The following AADAT variants were observed in gnomAD, a reference collection of about 807,000 sequenced individuals.
The protein encoded by AADAT is kynurenine/alpha-aminoadipate aminotransferase, mitochondrial.
In AADAT, 25 loss-of-function variants were observed where a neutral mutation model predicts 56.2. The observed-to-expected ratio is 0.44, with a 90% CI of 0.32 to 0.62. The LOEUF (loss-of-function observed/expected upper bound fraction) is 0.62, where lower values mean the gene tolerates loss of function less well. AADAT is among the 20% of genes least tolerant of loss of function. The pLI, the probability that AADAT is intolerant of heterozygous loss-of-function variation, is 0.04. For missense variants in AADAT, 387 were observed against 510.5 expected, an observed-to-expected ratio of 0.76 and a Z score of 2.33; for synonymous variants, 173 against 164.7, an observed-to-expected ratio of 1.05 and a Z score of -0.39.
rs1732146889 is a variant in AADAT, at chr4:170,078,536, T to C, written c.417A>G (p.Glu139=). The C allele has an allele frequency of 1.9e-6, 3 of 1,608,488 alleles. No homozygotes were observed. Among genetic ancestry groups the C allele is most frequent in the Non-Finnish European group, 1.7e-6 (2 of 1,177,060 alleles). The stretch of plus-strand genomic sequence containing the variant: ...TTTGAAGAGTTCCTGAATAAGCAGG[T>C]TCATCTAGGAGGACATTATCTCCAG... ...INPGDNVLLD[E]PAYSGTLQSL... Residue 139 remains glutamate (E), a synonymous_variant, in exon 4 of 13, where the codon GAA becomes GAG. Transcript: ENST00000337664.
At chr4:170,061,810 A>T in intron 12 of AADAT, 82 bp downstream of exon 12, 1 of 952,052 alleles carries the variant, frequency 1.1e-6, no homozygotes, top group Admixed American at 2.6e-5. Flanking sequence ...ATTAAGTAAT[A>T]TTCTAATTCA....
At position 170,073,135 on chromosome 4, in the gene AADAT, C is replaced by T; in HGVS notation, c.654+1G>A. On this transcript the variant is annotated splice_donor_variant, in intron 5 of 12. Transcript: ENST00000337664. LOFTEE classifies it high-confidence loss of function. Reference sequence around the variant, plus strand: ...TACTTTAACCCATTCTTCTACAATACCTCATAGATTTCCTTTTTGCGTTCA... The same window carrying T: ...TACTTTAACCCATTCTTCTACAATATCTCATAGATTTCCTTTTTGCGTTCA... The T allele has an allele frequency of 6.2e-7, 1 of 1,613,790 alleles. No individual in the cohort carries two copies. Among genetic ancestry groups the T allele is most frequent in the Non-Finnish European group, 8.5e-7 (1 of 1,179,806 alleles).
At chr4:170,064,589 T>C in intron 11 of AADAT, 130 bp downstream of exon 11, 1 of 679,348 alleles carries the variant, frequency 1.5e-6, no homozygotes, top group Non-Finnish European at 2.5e-6. Flanking sequence ...ATAAAATATC[T>C]AATATTAGAA....
chr4:170,062,868 A>T (rs899367627), intron 11 of AADAT, among the ~76,000 whole-genome samples: 3 of 152,152 alleles, frequency 2.0e-5, no homozygotes, highest in Non-Finnish European at 2.9e-5. Context: ...GATGTAAGAA[A>T]CCCGGGTCTC....
intron 3 of AADAT, among the ~76,000 whole-genome samples, chr4:170,081,427 G>A (rs565312652): frequency 6.6e-6 from 1 of 152,112 alleles, no homozygotes; most frequent in Admixed American, 6.5e-5. Context: ...AAACGTGAGA[G>A]AGATAAATAT....
Position 170,078,219 on chromosome 4 carries a change from T to C in AADAT, c.444+290A>G, listed in dbSNP as rs2111188621. Among the ~76,000 whole-genome samples the C allele has an allele frequency of 4.6e-5, 7 of 152,270 alleles. No individual in the cohort carries two copies. In the South Asian group the frequency reaches 1.5e-3, roughly 32 times the overall value. On this transcript the variant is annotated intron_variant, in intron 4 of 12. Coordinates refer to ENST00000337664, the MANE Select transcript of AADAT (RefSeq NM_016228.4). ...AATTTAAGTTACATTTCAAGTAAAA[T>C]ATTAAGAGAATTGGACATGATTTTG...
Position 170,064,766 on chromosome 4 carries a change from T to G in AADAT, c.1087A>C (p.Ile363Leu). 1 of 1,612,198 alleles carries G rather than the reference T, an allele frequency of 6.2e-7. No homozygotes were observed. Among genetic ancestry groups the G allele is most frequent in the Non-Finnish European group, 8.5e-7 (1 of 1,179,634 alleles). ...GMFLWIKVKG[I>L]NDVKELIEEK... is the part of the protein sequence containing the mutation. Reference sequence around the variant, plus strand: ...TCAATCAGTTCTTTTACATCATTAATGCCTTTAACTTTAATCCATAAAAAC... The same window carrying G: ...TCAATCAGTTCTTTTACATCATTAAGGCCTTTAACTTTAATCCATAAAAAC... Residue 363 changes from isoleucine to leucine, a missense_variant, in exon 11 of 13, where the codon ATT (isoleucine) becomes CTT (leucine). By Grantham distance (5) the Ile-to-Leu change is conservative. Transcript: ENST00000337664.
At chr4:170,067,623 T>C (rs992599822) in intron 8 of AADAT, among the ~76,000 whole-genome samples, 2 of 152,202 alleles carry the variant, frequency 1.3e-5, no homozygotes, top group Non-Finnish European at 2.9e-5. Flanking sequence ...TGTTGTAAGA[T>C]ACTAATATAT....
At chr4:170,065,765 T>A (rs951462986) in intron 10 of AADAT, among the ~76,000 whole-genome samples, 4 of 152,214 alleles carry the variant, frequency 2.6e-5, no homozygotes, top group African/African-American at 9.6e-5. Flanking sequence ...CCTCCCAAAG[T>A]GCTGGGATTA....
intron 3 of AADAT, among the ~76,000 whole-genome samples, chr4:170,081,824 G>T (rs1159625291): frequency 6.6e-6 from 1 of 152,156 alleles, no homozygotes; most frequent in East Asian, 1.9e-4. Flanking sequence ...ACAGGCGTGA[G>T]CTACCATTCC....
At chr4:170,081,391 A>G (rs1479670426) in intron 3 of AADAT, among the ~76,000 whole-genome samples, 1 of 152,216 alleles carries the variant, frequency 6.6e-6, no homozygotes, top group African/African-American at 2.4e-5. Flanking sequence ...AAGCTTATTT[A>G]AAGAAATAAT....
chr4:170,080,221 A>C (rs572364816), intron 3 of AADAT, among the ~76,000 whole-genome samples: 23 of 152,340 alleles, frequency 1.5e-4, no homozygotes, highest in Non-Finnish European at 2.5e-4. Context: ...AGGATGAGTC[A>C]GTTCCTAGGA....
At chr4:170,068,377 G>C (rs1731585448) in intron 8 of AADAT, among the ~76,000 whole-genome samples, 1 of 152,046 alleles carries the variant, frequency 6.6e-6, no homozygotes, top group African/African-American at 2.4e-5. Flanking sequence ...CTCAAAGTTT[G>C]TAAGGAAATT....
chr4:170,077,631 G>C (rs1157319067), intron 4 of AADAT, among the ~76,000 whole-genome samples: 1 of 152,222 alleles, frequency 6.6e-6, no homozygotes, highest in Admixed American at 6.5e-5. Context: ...TTAGGTGGCA[G>C]TCAAGAGTGA....
chr4:170,085,634 T>C (rs1405583139), intron 3 of AADAT, among the ~76,000 whole-genome samples: 2 of 152,200 alleles, frequency 1.3e-5, no homozygotes, highest in African/African-American at 2.4e-5. Context: ...GTCCATAGTA[T>C]CCTTTCTTGA....
intron 3 of AADAT, among the ~76,000 whole-genome samples, chr4:170,080,881 C>CA (rs1270854137): frequency 6.6e-6 from 1 of 151,988 alleles, no homozygotes; most frequent in Non-Finnish European, 1.5e-5. Flanking sequence ...TCCTTTAATG[C>CA]AAAAAACTGA....
chr4:170,065,428 T>C (rs112649654), intron 10 of AADAT, among the ~76,000 whole-genome samples: 1 of 152,132 alleles, frequency 6.6e-6, no homozygotes, highest in South Asian at 2.1e-4. Context: ...AAAAAAGAAC[T>C]TGCTGTTGAT....
chr4:170,063,458 A>C (rs1581565599), intron 11 of AADAT, among the ~76,000 whole-genome samples: 2 of 152,370 alleles, frequency 1.3e-5, no homozygotes, highest in Admixed American at 1.3e-4. Context: ...GGATAATGGC[A>C]TTGACAGAAA....
intron 4 of AADAT, among the ~76,000 whole-genome samples, chr4:170,076,254 TA>T (rs1561018865): frequency 2.0e-5 from 3 of 152,172 alleles, no homozygotes; most frequent in African/African-American, 7.2e-5. Flanking sequence ...TATTTTTTTT[TA>T]AATAATAGCC....
Sources: allele counts gnomAD v4.1 joint callset (sites outside exome capture counted in the v4.1 genomes callset), GRCh38; gene constraint gnomAD v4.1.1; transcripts MANE v1.5; gene names NCBI Gene and HGNC (gene_info 2026-07-23, HGNC 2026-07-21).